BICD1: variants seen among roughly 807,000 people sequenced by gnomAD.
The protein encoded by BICD1 is protein bicaudal D homolog 1.
BICD1 carries 35 observed loss-of-function variants against 92.5 expected under a neutral mutation model. The observed-to-expected ratio is 0.38, with a 90% CI of 0.29 to 0.50. BICD1 has a LOEUF of 0.50. Ranked by LOEUF, BICD1 falls within the 20% of genes least tolerant of loss-of-function variation. BICD1 has a pLI of 0.93. For synonymous variants in BICD1, 429 were observed against 465.1 expected (o/e 0.92, Z 1.00); for missense variants, 950 against 1,189.8 (o/e 0.80, Z 2.97).
intron 1 of BICD1, among the ~76,000 whole-genome samples, chr12:32,186,261 CA>C (rs1944420972): frequency 6.6e-6 from 1 of 152,206 alleles, no homozygotes. Flanking sequence ...GAGGTGGCCA[CA>C]TACAACATAC....
At chr12:32,283,516 A>G (rs1947476092) in intron 2 of BICD1, among the ~76,000 whole-genome samples, 1 of 152,202 alleles carries the variant, frequency 6.6e-6, no homozygotes, top group Admixed American at 6.5e-5. Flanking sequence ...TGACCAAAAG[A>G]GAGAGATGAG....
At chr12:32,327,076 C>A (rs1948795508) in intron 4 of BICD1, among the ~76,000 whole-genome samples, 1 of 152,122 alleles carries the variant, frequency 6.6e-6, no homozygotes, top group African/African-American at 2.4e-5. Context: ...CACTTATGAT[C>A]TGAAAAGCAG....
At chr12:32,202,378 C>A (rs1012793120) in intron 1 of BICD1, among the ~76,000 whole-genome samples, 2 of 152,096 alleles carry the variant, frequency 1.3e-5, no homozygotes, top group African/African-American at 4.8e-5. Context: ...AAAAGGTAAT[C>A]CAAGGGGTAA....
chr12:32,220,177 G>A (rs1259152327), intron 2 of BICD1, among the ~76,000 whole-genome samples: 1 of 152,124 alleles, frequency 6.6e-6, no homozygotes, highest in Non-Finnish European at 1.5e-5. Context: ...CAGGACATAG[G>A]CATGGGCAAG....
chr12:32,110,651 A>G (rs1485270763), intron 1 of BICD1, among the ~76,000 whole-genome samples: 2 of 152,162 alleles, frequency 1.3e-5, no homozygotes, highest in African/African-American at 4.8e-5. Context: ...CCCAGGCCAG[A>G]ATAGTGTTTG....
At chr12:32,223,009 A>G (rs1485557950) in intron 2 of BICD1, among the ~76,000 whole-genome samples, 3 of 152,210 alleles carry the variant, frequency 2.0e-5, no homozygotes, top group African/African-American at 7.2e-5. Flanking sequence ...GTCTATGTTG[A>G]AAATCTATGT....
intron 2 of BICD1, among the ~76,000 whole-genome samples, chr12:32,282,515 G>C (rs1267210653): frequency 6.6e-6 from 1 of 152,080 alleles, no homozygotes; most frequent in Non-Finnish European, 1.5e-5. Flanking sequence ...TACTTCCTGA[G>C]CTCTTTCAAG....
At chr12:32,295,384 C>A (rs1201489122) in intron 3 of BICD1, among the ~76,000 whole-genome samples, 1 of 152,138 alleles carries the variant, frequency 6.6e-6, no homozygotes, top group Non-Finnish European at 1.5e-5. Context: ...CTGGTCTAAA[C>A]GCTGTTGCCA....
At chr12:32,175,506 G>A (rs1944065105) in intron 1 of BICD1, among the ~76,000 whole-genome samples, 2 of 151,964 alleles carry the variant, frequency 1.3e-5, no homozygotes, top group Non-Finnish European at 1.5e-5. Context: ...TAGTAGAGAC[G>A]GGATTTCGCC....
chr12:32,188,001 C>T (rs1280002225), intron 1 of BICD1, among the ~76,000 whole-genome samples: 3 of 151,846 alleles, frequency 2.0e-5, no homozygotes, highest in South Asian at 2.1e-4. Flanking sequence ...TGCAATGGCA[C>T]GATCTCGGCT....
At chr12:32,176,141 T>C (rs76164345) in intron 1 of BICD1, among the ~76,000 whole-genome samples, 3,886 of 152,366 alleles carry the variant, frequency 0.026, 170 homozygotes, top group African/African-American at 0.089. Context: ...TTTTTGGACA[T>C]GTAGGTTGTT....
chr12:32,108,764 A>G, intron 1 of BICD1: 1 of 633,882 alleles, frequency 1.6e-6, no homozygotes, highest in Non-Finnish European at 2.9e-6. Flanking sequence ...TCTACCAAAA[A>G]ATAAATGTAC....
intron 1 of BICD1, among the ~76,000 whole-genome samples, chr12:32,166,138 A>ATTTTTTATTTATTT (rs1555140609): frequency 6.9e-6 from 1 of 143,954 alleles, no homozygotes; most frequent in African/African-American, 2.6e-5. Flanking sequence ...TTATTTATTT[A>ATTTTTTATTTATTT]TTTATTTATT....
rs537664597 is a variant in BICD1, at chr12:32,187,182, C to T, written c.214-29065C>T. 3.3e-5 allele frequency among the ~76,000 whole-genome samples: 5 copies of T among 152,324 alleles called. No homozygotes were observed. The East Asian group carries it at 5.8e-4, about 18-fold the overall frequency. On this transcript the variant is annotated intron_variant, in intron 1 of 9. Transcript: ENST00000652176. ...ACTTAACTCTTTGTTCCACGAAATTCGTGCCCAGGAAGATAAGACAGTAAA... is the reference window on the plus strand; with the variant it reads ...ACTTAACTCTTTGTTCCACGAAATTTGTGCCCAGGAAGATAAGACAGTAAA...
chr12:32,379,521 T>G lies in BICD1; in HGVS notation c.*1894T>G, dbSNP rs1423140971. 2.6e-5 allele frequency: 4 copies of G among 152,246 alleles called. No homozygotes were observed. Among genetic ancestry groups the G allele is most frequent in the African/African-American group, 9.6e-5 (4 of 41,464 alleles). 9.4% of individuals were successfully genotyped at this position (152,246 alleles called of 1,614,324 possible). On this transcript the variant is annotated 3_prime_UTR_variant, in exon 10 of 10. Transcript: ENST00000652176. ...ATAGCAGCCTAACCTTCTGCTCTTT[T>G]CTACCTGCATGGCCTTGCTGTTCCT...
At chr12:32,241,357 T>A (rs1185092908) in intron 2 of BICD1, among the ~76,000 whole-genome samples, 1 of 152,200 alleles carries the variant, frequency 6.6e-6, no homozygotes, top group East Asian at 1.9e-4. Context: ...AAGTTACAAT[T>A]TATTCTAATA....
chr12:32,253,837 TCATAATCACTGCCGTATCCCACCTGC>T (rs1946631626), intron 2 of BICD1, among the ~76,000 whole-genome samples: 3 of 135,460 alleles, frequency 2.2e-5, no homozygotes, highest in Non-Finnish European at 4.9e-5. Flanking sequence ...ATCCCACCTG[TCATAATCACTGCCGTATCCCACCTGC>T]CATAATCACT....
At position 32,380,688 on chromosome 12, in the gene BICD1, T is replaced by C. The variant is rs943498960; in HGVS notation, c.*3061T>C. 6.6e-6 allele frequency: 1 copy of C among 152,134 alleles called. No homozygotes were observed. Among genetic ancestry groups the C allele is most frequent in the African/African-American group, 2.4e-5 (1 of 41,460 alleles). The allele number at this position is 152,134 out of a possible 1,614,324, so 9.4% of individuals were successfully genotyped here. Reference sequence around the variant, plus strand: ...TCCACACATAATCCATTAGATCCCATTCATATATCCAACTCTGGATTCTAA... The same window carrying C: ...TCCACACATAATCCATTAGATCCCACTCATATATCCAACTCTGGATTCTAA... On this transcript the variant is annotated 3_prime_UTR_variant, in exon 10 of 10. Transcript: ENST00000652176.
At chr12:32,277,217 A>G (rs1191839381) in intron 2 of BICD1, among the ~76,000 whole-genome samples, 1 of 152,160 alleles carries the variant, frequency 6.6e-6, no homozygotes, top group Non-Finnish European at 1.5e-5. Flanking sequence ...AATCTGTTGA[A>G]ACCCCATGTC....
Sources: gnomAD v4.1 joint callset for allele counts (sites outside exome capture counted in the v4.1 genomes callset) on GRCh38, gnomAD v4.1.1 for gene constraint, MANE v1.5 for transcripts, NCBI Gene and HGNC (gene_info 2026-07-23, HGNC 2026-07-21) for gene names.